KAT6B: variants seen among roughly 807,000 people sequenced by gnomAD.
KAT6B encodes lysine acetyltransferase 6B.
A neutral mutation model predicts 187.5 loss-of-function variants in KAT6B; 10 were observed. That is an observed-to-expected ratio of 0.05 (90% CI 0.03 to 0.09). The LOEUF (loss-of-function observed/expected upper bound fraction) is 0.09. Among genes scored for constraint, KAT6B ranks in the 10% least tolerant of loss-of-function variants. The probability of loss-of-function intolerance (pLI) is 1.00; values close to 1 mark genes in which losing one functional copy is unlikely to be tolerated. For missense variants in KAT6B, 1,952 were observed against 2,558.9 expected, an observed-to-expected ratio of 0.76 and a Z score of 5.12; for synonymous variants, 861 against 926.8, an observed-to-expected ratio of 0.93 and a Z score of 1.29.
Position 74,973,215 on chromosome 10 carries a change from A to G in KAT6B, c.1061+576A>G, listed in dbSNP as rs142695936. Among the ~76,000 whole-genome samples the G allele has an allele frequency of 5.4e-3, 827 of 152,370 alleles. 1 individual carries two copies. The highest frequency in any genetic ancestry group is 0.01 in the Admixed American group (160 of 15,306). ...TGCAGACATATATATAAAATAATAT[A>G]TTCGCAGTGGCCTGGAAATCTACTA... On this transcript the variant is annotated intron_variant, in intron 7 of 17. Transcript: ENST00000287239.
intron 3 of KAT6B, among the ~76,000 whole-genome samples, chr10:74,896,063 T>C (rs1360239087): frequency 3.3e-5 from 5 of 152,112 alleles, no homozygotes; most frequent in African/African-American, 9.7e-5. Context: ...AGCCCAGATG[T>C]GAAAATGTTC....
At chr10:74,829,014 A>G (rs1840519948) in intron 1 of KAT6B, among the ~76,000 whole-genome samples, 1 of 151,890 alleles carries the variant, frequency 6.6e-6, no homozygotes, top group Non-Finnish European at 1.5e-5. Context: ...GGTTTAAAAA[A>G]AAAAAAAAAG....
intron 3 of KAT6B, among the ~76,000 whole-genome samples, chr10:74,895,369 A>G (rs1845917966): frequency 6.6e-6 from 1 of 151,238 alleles, no homozygotes; most frequent in Admixed American, 6.6e-5. Flanking sequence ...TCATATTATT[A>G]TTATTATTAT....
chr10:74,926,356 A>G (rs1189075752), intron 3 of KAT6B, among the ~76,000 whole-genome samples: 1 of 152,188 alleles, frequency 6.6e-6, no homozygotes, highest in Non-Finnish European at 1.5e-5. Flanking sequence ...TGGGAGGCTG[A>G]GGCAGGATAA....
At chr10:74,860,604 C>T (rs1469552409) in intron 3 of KAT6B, among the ~76,000 whole-genome samples, 10 of 152,136 alleles carry the variant, frequency 6.6e-5, no homozygotes, top group Non-Finnish European at 1.0e-4. Context: ...CTCATTTCTT[C>T]GGGCGAAATC....
chr10:74,879,542 C>T (rs1176405080), intron 3 of KAT6B, among the ~76,000 whole-genome samples: 1 of 152,192 alleles, frequency 6.6e-6, no homozygotes, highest in Non-Finnish European at 1.5e-5. Flanking sequence ...GAGATTTTGA[C>T]TGACAAGAGA....
chr10:74,910,027 T>C (rs1847076161), intron 3 of KAT6B, among the ~76,000 whole-genome samples: 1 of 151,720 alleles, frequency 6.6e-6, no homozygotes, highest in Non-Finnish European at 1.5e-5. Flanking sequence ...AAACCTCCCC[T>C]AATCGCCTTT....
chr10:74,938,806 G>A (rs150163015), intron 3 of KAT6B, among the ~76,000 whole-genome samples: 14,590 of 151,848 alleles, frequency 0.096, 1,554 homozygotes, highest in African/African-American at 0.26. Context: ...GCACAATCTC[G>A]GCTCACTGCA....
chr10:74,991,471 CT>C (rs776935284), intron 13 of KAT6B, among the ~76,000 whole-genome samples: 1 of 151,974 alleles, frequency 6.6e-6, no homozygotes, highest in African/African-American at 2.4e-5. Flanking sequence ...AATGCTATGT[CT>C]TTTTTTTAAC....
Position 74,989,061 on chromosome 10 carries a change from A to G in KAT6B, c.2578A>G (p.Ile860Val). 1 of 1,614,050 alleles carries G rather than the reference A, an allele frequency of 6.2e-7. No individual in the cohort carries two copies. The highest frequency in any genetic ancestry group is 8.5e-7 in the Non-Finnish European group (1 of 1,179,928). The change falls in exon 13 of 18, where the codon ATC (isoleucine) becomes GTC (valine). Residue 860 changes from isoleucine (I) to valine (V), a missense_variant. Ile to Val is a conservative substitution (Grantham distance 29). Around this residue, in one of 9 missense-constraint regions of KAT6B, gnomAD observed 87 missense variants for 191.8 expected, o/e 0.45. Coordinates refer to ENST00000287239, the MANE Select transcript of KAT6B (RefSeq NM_012330.4). ...GAAGTATAATGTCTCCTGCATAATG[A>G]TCATGCCCCAGCACCAAAGGCAAGG... ...QQKYNVSCIM[I>V]MPQHQRQGFG...
intron 13 of KAT6B, among the ~76,000 whole-genome samples, chr10:75,009,420 G>A (rs1844439798): frequency 6.6e-6 from 1 of 152,196 alleles, no homozygotes; most frequent in South Asian, 2.1e-4. Context: ...TTTGCAGGTG[G>A]AATGGAGATT....
intron 16 of KAT6B, among the ~76,000 whole-genome samples, chr10:75,024,443 C>T (rs1359456619): frequency 6.6e-6 from 1 of 152,198 alleles, no homozygotes; most frequent in Non-Finnish European, 1.5e-5. Flanking sequence ...CTTTTCATAG[C>T]CCTGAAGTCC....
chr10:74,884,460 T>C (rs947998232), intron 3 of KAT6B, among the ~76,000 whole-genome samples: 3 of 152,204 alleles, frequency 2.0e-5, no homozygotes, highest in Admixed American at 1.3e-4. Flanking sequence ...ACTTTATCAG[T>C]GAGAGTGTTT....
At chr10:74,952,979 C>T (rs757181573) in intron 3 of KAT6B, among the ~76,000 whole-genome samples, 3 of 150,682 alleles carry the variant, frequency 2.0e-5, no homozygotes, top group South Asian at 4.2e-4. Flanking sequence ...GGATTACAAG[C>T]GTAAGCCACC....
At chr10:74,940,085 C>A (rs1016813445) in intron 3 of KAT6B, among the ~76,000 whole-genome samples, 1 of 151,902 alleles carries the variant, frequency 6.6e-6, no homozygotes, top group Non-Finnish European at 1.5e-5. Context: ...CAATAACTAC[C>A]TTTGGAGACA....
At chr10:74,981,282 A>G (rs1485848536) in intron 10 of KAT6B, among the ~76,000 whole-genome samples, 1 of 147,708 alleles carries the variant, frequency 6.8e-6, no homozygotes, top group African/African-American at 2.6e-5. Context: ...TGTCTTTACT[A>G]TTGGCTGGCT....
intron 8 of KAT6B, 81 bp from the exon 9 acceptor site, chr10:74,977,235 T>C: frequency 6.7e-7 from 1 of 1,499,552 alleles, no homozygotes; most frequent in Non-Finnish European, 9.2e-7. Flanking sequence ...AGTATGCTAA[T>C]TTGGTGCCAT....
At chr10:74,870,885 T>TTTTTTTG (rs1843887921) in intron 3 of KAT6B, among the ~76,000 whole-genome samples, 1 of 142,294 alleles carries the variant, frequency 7.0e-6, no homozygotes, top group Admixed American at 7.0e-5. Flanking sequence ...CGTTTTTTTG[T>TTTTTTTG]TTTTTTTTTT....
intron 3 of KAT6B, among the ~76,000 whole-genome samples, chr10:74,940,132 A>C (rs1243676566): frequency 6.6e-6 from 1 of 152,152 alleles, no homozygotes; most frequent in Non-Finnish European, 1.5e-5. Context: ...TGTGAGGGAC[A>C]CTTACTTTCT....
Sources: allele counts gnomAD v4.1 joint callset (sites outside exome capture counted in the v4.1 genomes callset), GRCh38; gene constraint gnomAD v4.1.1; regional missense constraint gnomAD v4.1.1; transcripts MANE v1.5; gene names NCBI Gene and HGNC (gene_info 2026-07-23, HGNC 2026-07-21).